Variants in EYA4 observed in about 807,000 individuals in gnomAD.
EYA4 encodes EYA transcriptional coactivator and phosphatase 4.
In EYA4, 31 loss-of-function variants were observed where a neutral mutation model predicts 87.9. The observed-to-expected ratio is 0.35, with a 90% confidence interval of 0.27 to 0.48. The LOEUF (loss-of-function observed/expected upper bound fraction) is 0.48. EYA4 is among the 20% of genes least tolerant of loss of function. The probability of loss-of-function intolerance (pLI) is 0.99; values close to 1 mark genes in which losing one functional copy is unlikely to be tolerated. For synonymous variants in EYA4, 263 were observed against 270.6 expected, an observed-to-expected ratio of 0.97 and a Z score of 0.28; for missense variants, 678 against 761.4, an observed-to-expected ratio of 0.89 and a Z score of 1.29.
intron 14 of EYA4, among the ~76,000 whole-genome samples, 165 bp from the exon 15 acceptor site, chr6:133,512,556 G>A (rs948652593): frequency 3.3e-5 from 5 of 152,172 alleles, no homozygotes; most frequent in Non-Finnish European, 7.3e-5. Context: ...GGTAGAAATG[G>A]TGCCATTTCC....
chr6:133,336,302 T>G lies in EYA4; in HGVS notation c.34-46090T>G, dbSNP rs867838089. ...TGATAATATATCAGAGTCACCACTT[T>G]AATCAAGGGATTAGATTTAACTTCA... On this transcript the variant is annotated intron_variant, in intron 2 of 19. Coordinates refer to ENST00000355286, the MANE Select transcript of EYA4 (RefSeq NM_004100.5). Among the ~76,000 whole-genome samples the G allele has an allele frequency of 5.1e-4, 78 of 152,330 alleles. 1 individual carries two copies. Among genetic ancestry groups the G allele is most frequent in the Middle Eastern group, 6.8e-3 (2 of 294 alleles).
chr6:133,297,086 TTTCCTCAA>T (rs1779001946), intron 2 of EYA4, among the ~76,000 whole-genome samples: 1 of 152,238 alleles, frequency 6.6e-6, no homozygotes, highest in Non-Finnish European at 1.5e-5. Context: ...TGAATTAAAT[TTTCCTCAA>T]TATGTAATGC....
intron 1 of EYA4, among the ~76,000 whole-genome samples, chr6:133,249,149 G>A (rs1462847159): frequency 6.6e-6 from 1 of 152,106 alleles, no homozygotes; most frequent in Non-Finnish European, 1.5e-5. Flanking sequence ...GCATGGCTTT[G>A]AAGACTTTGG....
rs76390997 is a variant in EYA4, at chr6:133,425,750, G to C, written c.84-20880G>C. Among the ~76,000 whole-genome samples the C allele has an allele frequency of 5.4e-3, 807 of 150,550 alleles. 72 individuals are homozygous for C. The highest frequency in any genetic ancestry group is 0.019 in the African/African-American group (770 of 40,136). On this transcript the variant is annotated intron_variant, in intron 3 of 19. Coordinates refer to ENST00000355286, the MANE Select transcript of EYA4 (RefSeq NM_004100.5). ...ACTTAGTCATCTATCTTGCCTCCTT[G>C]ACTGGCTTTCCCCTCTCTAATTCAG...
intron 2 of EYA4, among the ~76,000 whole-genome samples, chr6:133,365,517 A>G (rs1784793050): frequency 6.6e-6 from 1 of 152,052 alleles, no homozygotes; most frequent in Non-Finnish European, 1.5e-5. Flanking sequence ...GGGCACTTAC[A>G]TTAAATGTAA....
intron 5 of EYA4, among the ~76,000 whole-genome samples, chr6:133,454,168 A>G (rs1312822794): frequency 6.6e-6 from 1 of 152,194 alleles, no homozygotes; most frequent in Admixed American, 6.5e-5. Flanking sequence ...CTATATTACA[A>G]TTAGTATAAT....
intron 3 of EYA4, among the ~76,000 whole-genome samples, chr6:133,416,654 A>G (rs978984471): frequency 6.6e-6 from 1 of 152,258 alleles, no homozygotes; most frequent in African/African-American, 2.4e-5. Flanking sequence ...TAGAAGAGCA[A>G]AACTGCACAT....
At chr6:133,517,949 G>A (rs1799743826) in intron 17 of EYA4, among the ~76,000 whole-genome samples, 2 of 152,170 alleles carry the variant, frequency 1.3e-5, no homozygotes, top group African/African-American at 4.8e-5. Flanking sequence ...AAAGAACTGG[G>A]ACCAATGAGT....
intron 17 of EYA4, among the ~76,000 whole-genome samples, chr6:133,518,752 C>A (rs902987188): frequency 1.3e-5 from 2 of 152,084 alleles, no homozygotes; most frequent in South Asian, 2.1e-4. Context: ...GGAAGTAAAG[C>A]TCTCCTCAGC....
chr6:133,250,038 A>C (rs1330400027), intron 1 of EYA4, among the ~76,000 whole-genome samples: 1 of 152,180 alleles, frequency 6.6e-6, no homozygotes, highest in Non-Finnish European at 1.5e-5. Flanking sequence ...ATGAGAGCAG[A>C]GATTGTGACA....
chr6:133,264,741 T>A (rs1776073572), intron 1 of EYA4, among the ~76,000 whole-genome samples: 1 of 152,168 alleles, frequency 6.6e-6, no homozygotes, highest in African/African-American at 2.4e-5. Flanking sequence ...GGCAGCCTGG[T>A]GTGGAGTTGA....
intron 2 of EYA4, among the ~76,000 whole-genome samples, chr6:133,345,992 T>C (rs2128415811): frequency 6.6e-6 from 1 of 152,276 alleles, no homozygotes; most frequent in East Asian, 1.9e-4. Flanking sequence ...TTAAAGATCA[T>C]GAAAGTCTAC....
rs944438093 is a variant in EYA4 at position 133,308,826 on chromosome 6, A to G, written c.33+34013A>G. ...CAAATTCAATAATTTTTAAAACTAAAACATGTTCCTTCATTTTCAGCAATT... is the reference window on the plus strand; with the variant it reads ...CAAATTCAATAATTTTTAAAACTAAGACATGTTCCTTCATTTTCAGCAATT... On this transcript the variant is annotated intron_variant, in intron 2 of 19. Coordinates refer to ENST00000355286, the MANE Select transcript of EYA4 (RefSeq NM_004100.5). Among the ~76,000 whole-genome samples the G allele has an allele frequency of 8.5e-5, 13 of 152,330 alleles. No individual in the cohort carries two copies. In the East Asian group the frequency reaches 2.5e-3, roughly 29 times the overall value.
chr6:133,427,020 C>G (rs1790735945), intron 3 of EYA4, among the ~76,000 whole-genome samples: 1 of 152,158 alleles, frequency 6.6e-6, no homozygotes, highest in African/African-American at 2.4e-5. Context: ...TCCACAAAGG[C>G]AGAGAATTTT....
chr6:133,439,049 CAAAAAAAAAAAAAA>C (rs56261819), intron 3 of EYA4, among the ~76,000 whole-genome samples: 3 of 64,024 alleles, frequency 4.7e-5, no homozygotes, highest in Admixed American at 2.6e-4. Flanking sequence ...GACTCCGTCT[CAAAAAAAAAAAAAA>C]AAAAAAAAAA....
At position 133,382,438 on chromosome 6, in the gene EYA4, C is replaced by G; in HGVS notation, c.80C>G (p.Ser27Cys). The G allele has an allele frequency of 6.2e-7, 1 of 1,608,626 alleles. No homozygotes were observed. The highest frequency in any genetic ancestry group is 1.1e-5 in the South Asian group (1 of 90,952). The change falls in exon 3 of 20, where the codon TCC becomes TGC. Residue 27 changes from serine to cysteine, a missense_variant. Physicochemically the swap from Ser to Cys is moderately radical, Grantham distance 112. Transcript: ENST00000355286. ...TCAGATGTTTCACAATCTCAGAATT[C>G]CAGGTACAGTAAAATAAAGACCAAG... ...TESDVSQSQN[S>C]RSMEMQDLAS... is the part of the protein sequence containing the mutation.
At chr6:133,357,116 A>C (rs1784116109) in intron 2 of EYA4, among the ~76,000 whole-genome samples, 1 of 151,792 alleles carries the variant, frequency 6.6e-6, no homozygotes, top group Non-Finnish European at 1.5e-5. Flanking sequence ...CTAAAAATAC[A>C]AAAAATTAGC....
intron 5 of EYA4, among the ~76,000 whole-genome samples, chr6:133,452,670 TA>T (rs1403577747): frequency 6.6e-6 from 1 of 152,096 alleles, no homozygotes; most frequent in East Asian, 1.9e-4. Flanking sequence ...TTTTTAAAGC[TA>T]AAAAAATGGA....
intron 2 of EYA4, among the ~76,000 whole-genome samples, chr6:133,342,605 A>ATATATATATATATAT (rs1485897156): frequency 9.2e-5 from 12 of 130,428 alleles, no homozygotes; most frequent in Non-Finnish European, 1.3e-4. Flanking sequence ...ATATATATAT[A>ATATATATATATATAT]ATTCTTTATA....
Sources: allele counts gnomAD v4.1 joint callset (sites outside exome capture counted in the v4.1 genomes callset), GRCh38; gene constraint gnomAD v4.1.1; transcripts MANE v1.5; gene names NCBI Gene and HGNC (gene_info 2026-07-23, HGNC 2026-07-21).